The following DLGAP2 variants were observed in gnomAD, a reference collection of about 807,000 sequenced individuals.
The protein encoded by DLGAP2 is disks large-associated protein 2.
DLGAP2 carries 26 observed loss-of-function variants against 100.3 expected under a neutral mutation model. The observed-to-expected ratio is 0.26, with a 90% CI of 0.19 to 0.36. DLGAP2 has a LOEUF of 0.36. Among genes scored for constraint, DLGAP2 ranks in the 10% least tolerant of loss-of-function variants. The pLI is 1.00. For synonymous variants in DLGAP2, 886 were observed against 630.1 expected, an observed-to-expected ratio of 1.41 and a Z score of -6.08; for missense variants, 1,858 against 1,453.2, an observed-to-expected ratio of 1.28 and a Z score of -4.53.
intron 3 of DLGAP2, among the ~76,000 whole-genome samples, chr8:1,470,159 C>T (rs1335581336): frequency 1.3e-5 from 2 of 152,058 alleles, no homozygotes; most frequent in Non-Finnish European, 2.9e-5. Context: ...CAGACCCTGT[C>T]TCCAAAGAAA....
At chr8:962,436 T>G (rs1799747859) in intron 2 of DLGAP2, among the ~76,000 whole-genome samples, 1 of 152,164 alleles carries the variant, frequency 6.6e-6, no homozygotes, top group Non-Finnish European at 1.5e-5. Flanking sequence ...GGAGTCAGTG[T>G]CCAGGAGTTG....
intron 8 of DLGAP2, among the ~76,000 whole-genome samples, chr8:1,666,692 A>AT (rs928780113): frequency 1.3e-5 from 2 of 152,046 alleles, no homozygotes; most frequent in African/African-American, 4.8e-5. Flanking sequence ...AAAAAAAAAA[A>AT]AGTCTCCACT....
intron 2 of DLGAP2, among the ~76,000 whole-genome samples, chr8:936,540 A>C (rs1460910228): frequency 2.2e-4 from 33 of 151,978 alleles, no homozygotes; most frequent in Admixed American, 2.2e-3. Flanking sequence ...GGGTGTAGAG[A>C]TCTTGTGAAG....
chr8:1,116,943 A>G (rs1294116402), intron 2 of DLGAP2, among the ~76,000 whole-genome samples: 1 of 152,264 alleles, frequency 6.6e-6, no homozygotes, highest in Non-Finnish European at 1.5e-5. Context: ...GCCAACAGCT[A>G]CTGGCTTCCT....
intron 1 of DLGAP2, among the ~76,000 whole-genome samples, chr8:855,746 A>G (rs1015076781): frequency 2.6e-5 from 4 of 152,210 alleles, no homozygotes; most frequent in East Asian, 1.9e-4. Context: ...GGCTGGTTCA[A>G]TATTCAAAAA....
At chr8:929,649 A>G (rs995941208) in intron 2 of DLGAP2, among the ~76,000 whole-genome samples, 13 of 5,792 alleles carry the variant, frequency 2.2e-3, no homozygotes, top group East Asian at 5.6e-3. Flanking sequence ...CACACCCCCC[A>G]CCATTCCCCC....
intron 2 of DLGAP2, among the ~76,000 whole-genome samples, chr8:1,214,674 A>G (rs1798176486): frequency 6.6e-6 from 1 of 152,236 alleles, no homozygotes. Context: ...CTTTTTAACA[A>G]GGACGGCGCC....
intron 2 of DLGAP2, among the ~76,000 whole-genome samples, chr8:1,188,440 G>A (rs1464265905): frequency 8.0e-6 from 1 of 124,506 alleles, no homozygotes; most frequent in Non-Finnish European, 1.5e-5. Context: ...CGGGACCTCC[G>A]TGACGTTTCC....
At chr8:1,527,760 C>T (rs577191060) in intron 4 of DLGAP2, among the ~76,000 whole-genome samples, 1 of 152,278 alleles carries the variant, frequency 6.6e-6, no homozygotes, top group Non-Finnish European at 1.5e-5. Context: ...CAGGACTCTA[C>T]CTGCCACCCC....
chr8:1,187,068 T>C (rs917521189), intron 2 of DLGAP2, among the ~76,000 whole-genome samples: 2 of 152,134 alleles, frequency 1.3e-5, no homozygotes, highest in Non-Finnish European at 2.9e-5. Flanking sequence ...GAAGGGCTGT[T>C]CTGAGCAGCT....
intron 2 of DLGAP2, among the ~76,000 whole-genome samples, chr8:1,237,398 T>C (rs1798685636): frequency 8.7e-6 from 1 of 115,192 alleles, no homozygotes; most frequent in South Asian, 3.5e-4. Flanking sequence ...TGGCGCCGTG[T>C]CTAGTTACCT....
intron 1 of DLGAP2, among the ~76,000 whole-genome samples, chr8:847,719 C>G (rs1797097120): frequency 6.6e-6 from 1 of 152,142 alleles, no homozygotes; most frequent in South Asian, 2.1e-4. Context: ...GTTGGCCAGG[C>G]TGGTCTCAAA....
At chr8:1,367,240 C>G (rs1157208700) in intron 3 of DLGAP2, among the ~76,000 whole-genome samples, 3 of 152,130 alleles carry the variant, frequency 2.0e-5, no homozygotes, top group African/African-American at 7.2e-5. Context: ...TGGTGACTTC[C>G]TAGGAGTCAC....
At chr8:1,294,795 G>A (rs10283369) in intron 3 of DLGAP2, among the ~76,000 whole-genome samples, 18,457 of 151,396 alleles carry the variant, frequency 0.12, 1,460 homozygotes, top group East Asian at 0.24. Flanking sequence ...CTTGAGCCTC[G>A]GAGGTGCAGG....
At chr8:917,073 C>A (rs1584887972) in intron 2 of DLGAP2, among the ~76,000 whole-genome samples, 1 of 152,200 alleles carries the variant, frequency 6.6e-6, no homozygotes, top group African/African-American at 2.4e-5. Context: ...ATAGCTTGTC[C>A]TGCTTCAAAG....
intron 4 of DLGAP2, among the ~76,000 whole-genome samples, chr8:1,521,885 T>C (rs1800611502): frequency 6.6e-6 from 1 of 151,270 alleles, no homozygotes. Flanking sequence ...ACACTTGTTT[T>C]AATTTGGAAT....
At chr8:1,514,950 C>T (rs1056157477) in intron 4 of DLGAP2, among the ~76,000 whole-genome samples, 1 of 151,896 alleles carries the variant, frequency 6.6e-6, no homozygotes, top group Non-Finnish European at 1.5e-5. Context: ...CAGGAGCACG[C>T]AGGGAGACCG....
intron 2 of DLGAP2, among the ~76,000 whole-genome samples, chr8:1,184,283 A>G (rs1797452808): frequency 6.6e-6 from 1 of 152,264 alleles, no homozygotes; most frequent in African/African-American, 2.4e-5. Flanking sequence ...TTATTTCAAG[A>G]CATGAAACTT....
chr8:1,005,496 C>T (rs1801082411), intron 2 of DLGAP2, among the ~76,000 whole-genome samples: 1 of 150,462 alleles, frequency 6.6e-6, no homozygotes, highest in African/African-American at 2.5e-5. Context: ...GCAGCCTCAA[C>T]CTCCTGGCCT....
Sources: allele counts gnomAD v4.1 joint callset (sites outside exome capture counted in the v4.1 genomes callset), GRCh38; gene constraint gnomAD v4.1.1; transcripts MANE v1.5; gene names NCBI Gene and HGNC (gene_info 2026-07-23, HGNC 2026-07-21).